The following TMEM74 variants were observed in gnomAD, a reference collection of about 807,000 sequenced individuals.
TMEM74 encodes transmembrane protein 74.
In TMEM74, 13 loss-of-function variants were observed where a neutral mutation model predicts 18.1. The observed-to-expected ratio is 0.72, with a 90% confidence interval of 0.47 to 1.14. The LOEUF (loss-of-function observed/expected upper bound fraction) is 1.14, where lower values mean the gene tolerates loss of function less well. TMEM74 is among the 50% of genes most tolerant of loss of function. TMEM74 has a pLI of 0.00. For missense variants in TMEM74, 372 were observed against 375.9 expected, an observed-to-expected ratio of 0.99 and a Z score of 0.09; for synonymous variants, 159 against 146.6, an observed-to-expected ratio of 1.08 and a Z score of -0.61.
At chr8:108,650,693 A>G (rs1204444377) in intron 2 of TMEM74, among the ~76,000 whole-genome samples, 1 of 136,808 alleles carries the variant, frequency 7.3e-6, no homozygotes, top group African/African-American at 2.7e-5. Context: ...ATTCTCATTG[A>G]GGCATTCTTT....
At chr8:108,785,699 A>G (rs1030230829) in intron 1 of TMEM74, among the ~76,000 whole-genome samples, 9 of 152,182 alleles carry the variant, frequency 5.9e-5, no homozygotes, top group Admixed American at 2.6e-4. Flanking sequence ...GGAACTCAGC[A>G]TTTTGATTCC....
chr8:108,762,851 G>A (rs1444567448), intron 1 of TMEM74, among the ~76,000 whole-genome samples: 2 of 152,036 alleles, frequency 1.3e-5, no homozygotes, highest in African/African-American at 4.8e-5. Context: ...GGCCAGGCCG[G>A]GCAATGAAGT....
Position 108,613,121 on chromosome 8 carries a change from A to T in TMEM74, n.265-4295T>A, listed in dbSNP as rs944789816. On this transcript the variant is annotated intron_variant and non_coding_transcript_variant, in intron 2 of 3. Transcript: ENST00000518838. ...ATGGACAATTTGTACAATTTCCCTT[A>T]CTTTGATCCTAGCTGCCTACACTAC... Among the ~76,000 whole-genome samples the T allele has an allele frequency of 3.9e-5, 6 of 152,332 alleles. No homozygotes were observed. In the East Asian group the frequency reaches 1.2e-3, roughly 29 times the overall value.
At chr8:108,617,926 C>T (rs779455179) in intron 2 of TMEM74, among the ~76,000 whole-genome samples, 2 of 152,222 alleles carry the variant, frequency 1.3e-5, no homozygotes, top group South Asian at 4.2e-4. Context: ...CAGCTTGTGT[C>T]CTGGAAGCAC....
At chr8:108,663,094 G>T (rs906330804) in intron 1 of TMEM74, among the ~76,000 whole-genome samples, 3 of 152,084 alleles carry the variant, frequency 2.0e-5, no homozygotes, top group African/African-American at 4.8e-5. Flanking sequence ...TGACAAATGG[G>T]ATCTAATTAA....
rs1324669593 is a variant in TMEM74, at chr8:108,782,076, C to A, written c.*2105G>T. Among the ~76,000 whole-genome samples, 4 of 151,990 alleles carry A rather than the reference C, an allele frequency of 2.6e-5. No homozygotes were observed. Among genetic ancestry groups the A allele is most frequent in the Non-Finnish European group, 5.9e-5 (4 of 68,008 alleles). On this transcript the variant is annotated 3_prime_UTR_variant, in exon 2 of 2. Coordinates refer to ENST00000297459, the MANE Select transcript of TMEM74 (RefSeq NM_153015.3). ...ATAAACATTAGTTTTTTCTTTAATG[C>A]CTTCTTTTTTTTAATGCCTTCTTTT...
At chr8:108,756,624 AAGGAAGGAAGGAAGGAAGAAAGAAAG>A (rs1474810509) in intron 1 of TMEM74, among the ~76,000 whole-genome samples, 1 of 94,894 alleles carries the variant, frequency 1.1e-5, no homozygotes, top group African/African-American at 4.6e-5. Flanking sequence ...GGAAGGAAGG[AAGGAAGGAAGGAAGGAAGAAAGAAAG>A]AGAAAGAAAG....
At chr8:108,607,619 C>A (rs1019353284) in exon 4 of TMEM74, 1 of 152,106 alleles carries the variant, frequency 6.6e-6, no homozygotes, top group Non-Finnish European at 1.5e-5. Context: ...GTGATGACAC[C>A]ACCCACCATG....
intron 2 of TMEM74, among the ~76,000 whole-genome samples, chr8:108,622,183 A>G (rs1188861330): frequency 6.6e-6 from 1 of 152,142 alleles, no homozygotes; most frequent in Non-Finnish European, 1.5e-5. Flanking sequence ...TAAACAGTCT[A>G]GGTACCCTCA....
At chr8:108,684,963 T>C (rs1281225515) in intron 1 of TMEM74, among the ~76,000 whole-genome samples, 1 of 152,158 alleles carries the variant, frequency 6.6e-6, no homozygotes, top group East Asian at 1.9e-4. Context: ...TTTCTATGTC[T>C]GTGAAGAATG....
chr8:108,648,484 T>C (rs975129162), intron 2 of TMEM74, among the ~76,000 whole-genome samples: 3 of 152,114 alleles, frequency 2.0e-5, no homozygotes, highest in African/African-American at 7.2e-5. Context: ...CCTGTGAATA[T>C]GTTATTTTAC....
rs550886499 is a variant in TMEM74 at position 108,631,298 on chromosome 8, G to A, written n.265-22472C>T. ...GGTCATGGGTGCTGCAGGTAGTGGAGTGTGAAGGAACACAGCCTCCAAGCC... is the reference window on the plus strand; with the variant it reads ...GGTCATGGGTGCTGCAGGTAGTGGAATGTGAAGGAACACAGCCTCCAAGCC... On this transcript the variant is annotated intron_variant and non_coding_transcript_variant, in intron 2 of 3. Transcript: ENST00000518838. Among the ~76,000 whole-genome samples the A allele has an allele frequency of 2.0e-3, 309 of 152,098 alleles. 2 individuals carry two copies. Among genetic ancestry groups the A allele is most frequent in the South Asian group, 3.9e-3 (19 of 4,824 alleles).
chr8:108,684,368 T>C (rs186611232), intron 1 of TMEM74, among the ~76,000 whole-genome samples: 122 of 152,234 alleles, frequency 8.0e-4, no homozygotes, highest in African/African-American at 2.8e-3. Context: ...TCTTGAACAT[T>C]TTTTCATGGA....
At chr8:108,629,760 A>T (rs1386441551) in intron 2 of TMEM74, among the ~76,000 whole-genome samples, 3 of 152,046 alleles carry the variant, frequency 2.0e-5, no homozygotes, top group Non-Finnish European at 4.4e-5. Flanking sequence ...GGAGAAATAA[A>T]ATCCTTTCCA....
At chr8:108,676,692 C>T (rs1403761569) in intron 1 of TMEM74, among the ~76,000 whole-genome samples, 1 of 152,178 alleles carries the variant, frequency 6.6e-6, no homozygotes, top group Non-Finnish European at 1.5e-5. Context: ...CCTTCTCAAA[C>T]TAGAATGTAA....
intron 1 of TMEM74, among the ~76,000 whole-genome samples, chr8:108,707,629 TG>T (rs1813429702): frequency 6.6e-6 from 1 of 152,186 alleles, no homozygotes; most frequent in Admixed American, 6.5e-5. Context: ...TTGTGAAAAC[TG>T]GATATACACA....
intron 1 of TMEM74, among the ~76,000 whole-genome samples, chr8:108,726,869 A>G (rs1396443066): frequency 6.6e-6 from 1 of 152,124 alleles, no homozygotes; most frequent in African/African-American, 2.4e-5. Context: ...AACCTAGAGG[A>G]TATTAGGTGA....
chr8:108,608,058 C>CT (rs1199670064), intron 3 of TMEM74, among the ~76,000 whole-genome samples: 1 of 152,022 alleles, frequency 6.6e-6, no homozygotes, highest in African/African-American at 2.4e-5. Context: ...AATCCCAGCA[C>CT]TTTGGGAGGC....
intron 1 of TMEM74, among the ~76,000 whole-genome samples, chr8:108,744,564 T>A (rs1813831495): frequency 6.6e-6 from 1 of 152,066 alleles, no homozygotes; most frequent in Non-Finnish European, 1.5e-5. Context: ...AAATCTACAT[T>A]TTACGTAAGA....
Sources: gnomAD v4.1 joint callset for allele counts (sites outside exome capture counted in the v4.1 genomes callset) on GRCh38, gnomAD v4.1.1 for gene constraint, MANE v1.5 for transcripts, NCBI Gene and HGNC (gene_info 2026-07-23, HGNC 2026-07-21) for gene names.